ZNF804B: variants seen among roughly 807,000 people sequenced by gnomAD.
The protein encoded by ZNF804B is zinc finger 804B.
ZNF804B carries 80 observed loss-of-function variants against 101.4 expected under a neutral mutation model. The ratio of observed to expected loss-of-function variants is 0.79; its 90% confidence interval spans 0.66 to 0.95. The LOEUF (loss-of-function observed/expected upper bound fraction) is 0.95, where lower values mean the gene tolerates loss of function less well. ZNF804B is among the 40% of genes least tolerant of loss of function. ZNF804B has a pLI of 0.00. For missense variants in ZNF804B, 1,673 were observed against 1,561.9 expected, an observed-to-expected ratio of 1.07 and a Z score of -1.20; for synonymous variants, 622 against 558.8, an observed-to-expected ratio of 1.11 and a Z score of -1.59.
intron 1 of ZNF804B, among the ~76,000 whole-genome samples, chr7:88,913,548 C>T (rs1029487718): frequency 6.6e-6 from 1 of 152,114 alleles, no homozygotes. Context: ...GTGCCTGTCA[C>T]CAGGCCCGGT....
intron 1 of ZNF804B, among the ~76,000 whole-genome samples, chr7:88,907,628 T>G (rs1184788434): frequency 1.3e-5 from 2 of 151,904 alleles, no homozygotes; most frequent in East Asian, 3.9e-4. Context: ...ACTAACTAAG[T>G]AGCCCAAAGT....
chr7:88,916,706 T>A (rs1363436899), intron 1 of ZNF804B, among the ~76,000 whole-genome samples: 1 of 152,184 alleles, frequency 6.6e-6, no homozygotes, highest in African/African-American at 2.4e-5. Flanking sequence ...ATTGAAATAT[T>A]GTACAGTCCT....
intron 2 of ZNF804B, among the ~76,000 whole-genome samples, chr7:89,233,056 G>T (rs1252671763): frequency 6.6e-6 from 1 of 151,946 alleles, no homozygotes; most frequent in Non-Finnish European, 1.5e-5. Flanking sequence ...CGAGTAGCTG[G>T]GACTACAGGC....
At position 89,003,481 on chromosome 7, in the gene ZNF804B, G is replaced by A. The variant is rs147216630; in HGVS notation, c.109-214674G>A. On this transcript the variant is annotated intron_variant, in intron 1 of 3. Coordinates refer to ENST00000333190, the MANE Select transcript of ZNF804B (RefSeq NM_181646.5). The stretch of plus-strand genomic sequence containing the variant: ...GGCACATCAACAGAGAGGAGATATT[G>A]GCAAACCTTTTACTTGCAGTTCCTA... 1.1e-4 allele frequency among the ~76,000 whole-genome samples: 16 copies of A among 152,008 alleles called. No individual in the cohort carries two copies. In the East Asian group the frequency reaches 2.9e-3, roughly 28 times the overall value.
At position 89,046,997 on chromosome 7, in the gene ZNF804B, A is replaced by G. The variant is rs935936186; in HGVS notation, c.109-171158A>G. The stretch of plus-strand genomic sequence containing the variant: ...TAAATTTTGACGTTTGCTTGCAATC[A>G]TCTATTTTCTGGCTATTCCTTAGGG... On this transcript the variant is annotated intron_variant, in intron 1 of 3. Coordinates refer to ENST00000333190, the MANE Select transcript of ZNF804B (RefSeq NM_181646.5). Among the ~76,000 whole-genome samples, 11 of 152,220 alleles carry G rather than the reference A, an allele frequency of 7.2e-5. No individual in the cohort carries two copies. The East Asian group carries it at 1.9e-3, about 27-fold the overall frequency.
chr7:88,960,366 G>A (rs1235097903), intron 1 of ZNF804B, among the ~76,000 whole-genome samples: 1 of 151,182 alleles, frequency 6.6e-6, no homozygotes, highest in Non-Finnish European at 1.5e-5. Context: ...AAATAATGTG[G>A]CAGCACCAGT....
chr7:88,961,744 T>G (rs1168945291), intron 1 of ZNF804B, among the ~76,000 whole-genome samples: 1 of 151,144 alleles, frequency 6.6e-6, no homozygotes, highest in African/African-American at 2.4e-5. Flanking sequence ...ACAAACTATA[T>G]CACCAAAAGC....
chr7:88,824,365 C>A (rs1322322653), intron 1 of ZNF804B, among the ~76,000 whole-genome samples: 2 of 152,140 alleles, frequency 1.3e-5, no homozygotes, highest in African/African-American at 4.8e-5. Flanking sequence ...ACTTCCTCCA[C>A]ATTTCTCCTT....
intron 1 of ZNF804B, among the ~76,000 whole-genome samples, chr7:89,027,035 A>G (rs968856379): frequency 1.3e-5 from 2 of 152,152 alleles, no homozygotes; most frequent in Non-Finnish European, 2.9e-5. Flanking sequence ...TGGAACATCA[A>G]TAAGAAATAA....
At chr7:88,791,805 G>A (rs3847037) in intron 1 of ZNF804B, among the ~76,000 whole-genome samples, 24,499 of 151,930 alleles carry the variant, frequency 0.16, 2,026 homozygotes, top group African/African-American at 0.21. Flanking sequence ...ACAGTGCTGC[G>A]TAATCATTCA....
intron 1 of ZNF804B, among the ~76,000 whole-genome samples, chr7:88,883,828 T>TAGTA (rs34093168): frequency 6.6e-6 from 1 of 151,432 alleles, no homozygotes; most frequent in Admixed American, 6.6e-5. Flanking sequence ...GTTTAAGTAA[T>TAGTA]AGTGTAGTTA....
Position 88,923,832 on chromosome 7 carries a change from G to GTAGATAAGT in ZNF804B, c.108+163750_108+163758dup, listed in dbSNP as rs573660953. ...TTTATTTTACAAAAATAAGGTCATA[G>GTAGATAAGT]TAGATAAGTTTGCTTTCTGTTTTTA... is the stretch of plus-strand genomic sequence containing the variant. On this transcript the variant is annotated intron_variant, in intron 1 of 3. Transcript: ENST00000333190. 3.7e-3 allele frequency among the ~76,000 whole-genome samples: 563 copies of GTAGATAAGT among 152,160 alleles called. 2 individuals carry two copies. The highest frequency in any genetic ancestry group is 0.013 in the African/African-American group (536 of 41,548).
intron 1 of ZNF804B, among the ~76,000 whole-genome samples, chr7:88,768,969 G>T (rs1257364156): frequency 2.6e-5 from 4 of 152,228 alleles, no homozygotes; most frequent in Non-Finnish European, 5.9e-5. Context: ...GGGAAACAAT[G>T]GTTCCTAATA....
At chr7:89,034,300 C>T (rs943874088) in intron 1 of ZNF804B, among the ~76,000 whole-genome samples, 1 of 151,944 alleles carries the variant, frequency 6.6e-6, no homozygotes, top group African/African-American at 2.4e-5. Context: ...TTCTGGGATA[C>T]ATGTACAGAA....
intron 1 of ZNF804B, among the ~76,000 whole-genome samples, chr7:88,896,624 G>A (rs968702557): frequency 2.6e-5 from 4 of 152,132 alleles, no homozygotes; most frequent in South Asian, 2.1e-4. Flanking sequence ...TAAAGAATAC[G>A]TGATACAGAA....
intron 1 of ZNF804B, among the ~76,000 whole-genome samples, chr7:88,949,605 C>G (rs765367475): frequency 2.6e-5 from 4 of 151,806 alleles, no homozygotes; most frequent in East Asian, 2.0e-4. Flanking sequence ...AATTGCAGCT[C>G]TATTGACCAA....
intron 1 of ZNF804B, among the ~76,000 whole-genome samples, chr7:89,156,289 A>G (rs1790974410): frequency 6.6e-6 from 1 of 151,728 alleles, no homozygotes; most frequent in South Asian, 2.1e-4. Flanking sequence ...AATTTTTTGT[A>G]TTTTTAGTAG....
At chr7:89,226,064 A>G (rs1789084156) in intron 2 of ZNF804B, among the ~76,000 whole-genome samples, 1 of 152,142 alleles carries the variant, frequency 6.6e-6, no homozygotes. Flanking sequence ...ACTAGTAATC[A>G]ACTAATACAA....
At chr7:88,825,875 G>A (rs1791044323) in intron 1 of ZNF804B, among the ~76,000 whole-genome samples, 1 of 152,100 alleles carries the variant, frequency 6.6e-6, no homozygotes. Flanking sequence ...ATCAGTGCTG[G>A]CTTGGGTGAT....
Sources: gnomAD v4.1 joint callset for allele counts (sites outside exome capture counted in the v4.1 genomes callset) on GRCh38, gnomAD v4.1.1 for gene constraint, MANE v1.5 for transcripts, NCBI Gene and HGNC (gene_info 2026-07-23, HGNC 2026-07-21) for gene names.